Variants in MGAT5 observed in about 807,000 individuals in gnomAD.
MGAT5 encodes the protein alpha-1,6-mannosylglycoprotein 6-beta-N-acetylglucosaminyltransferase A.
Under a neutral mutation model 94.3 loss-of-function variants are expected in MGAT5, and 30 were observed. That is an observed-to-expected ratio of 0.32 (90% CI 0.24 to 0.43). MGAT5 has a LOEUF of 0.43. Ranked by LOEUF, MGAT5 falls within the 20% of genes least tolerant of loss-of-function variation. MGAT5 has a pLI of 1.00. For missense variants in MGAT5, 691 were observed against 905.5 expected (o/e 0.76, Z 3.04); for synonymous variants, 310 against 322.9 (o/e 0.96, Z 0.43).
chr2:134,270,317 A>G lies in MGAT5; in HGVS notation c.242-69A>G, dbSNP rs570688851. ...TGAGAAGTTTTGTTCTCCACGATAA[A>G]GAGAGAGCAAGCCAGACAGATATGT... On this transcript the variant is annotated intron_variant, in intron 1 of 15. Transcript: ENST00000281923. 4 of 1,452,222 alleles carry G rather than the reference A, an allele frequency of 2.8e-6. No individual in the cohort carries two copies. In the East Asian group the frequency reaches 9.2e-5, roughly 33 times the overall value. The allele number at this position is 1,452,222 out of a possible 1,614,324, so 90.0% of individuals were successfully genotyped here. A position where few individuals can be genotyped will look rare whatever the true frequency, so the allele number is the denominator to read the frequency against.
chr2:134,197,720 G>GTA (rs1679566947), intron 1 of MGAT5, among the ~76,000 whole-genome samples: 1 of 152,192 alleles, frequency 6.6e-6, no homozygotes. Context: ...AGACAGTTTA[G>GTA]TTTCCTTTTA....
intron 12 of MGAT5, among the ~76,000 whole-genome samples, chr2:134,422,552 GC>G (rs937082672): frequency 1.3e-5 from 2 of 152,134 alleles, no homozygotes; most frequent in Non-Finnish European, 2.9e-5. Flanking sequence ...GATGTTGGGG[GC>G]TAAAGCCTCC....
At chr2:134,191,225 C>T (rs1689359578) in intron 1 of MGAT5, among the ~76,000 whole-genome samples, 1 of 152,234 alleles carries the variant, frequency 6.6e-6, no homozygotes, top group Non-Finnish European at 1.5e-5. Context: ...GACAATAAAA[C>T]GTACACGACA....
At chr2:134,257,373 C>A (rs1288626625) in intron 1 of MGAT5, among the ~76,000 whole-genome samples, 1 of 152,270 alleles carries the variant, frequency 6.6e-6, no homozygotes, top group Middle Eastern at 3.4e-3. Context: ...AGGCGCACAC[C>A]ACCACGCCTG....
rs1041877727 is a variant in MGAT5, at chr2:134,454,112, C to G, written c.*5265C>G. 1 of 152,234 alleles carries G rather than the reference C, an allele frequency of 6.6e-6. No individual in the cohort carries two copies. Among genetic ancestry groups the G allele is most frequent in the Non-Finnish European group, 1.5e-5 (1 of 68,078 alleles). 9.4% of individuals were successfully genotyped at this position (152,234 alleles called of 1,614,324 possible). On this transcript the variant is annotated 3_prime_UTR_variant, in exon 16 of 16. Coordinates refer to ENST00000281923, the MANE Select transcript of MGAT5 (RefSeq NM_002410.5). ...CCTTAAGACACTCCCTCAATGCCACCCTGACCCCACGGCTGGAGAACCCTG... is the reference window on the plus strand; with the variant it reads ...CCTTAAGACACTCCCTCAATGCCACGCTGACCCCACGGCTGGAGAACCCTG...
chr2:134,413,409 A>G (rs1683781230), intron 12 of MGAT5, among the ~76,000 whole-genome samples: 1 of 152,220 alleles, frequency 6.6e-6, no homozygotes, highest in Non-Finnish European at 1.5e-5. Context: ...GGAGTTTTCA[A>G]AGAGCCATCA....
At chr2:134,131,221 G>T (rs771198579) in intron 1 of MGAT5, among the ~76,000 whole-genome samples, 1 of 152,142 alleles carries the variant, frequency 6.6e-6, no homozygotes, top group Non-Finnish European at 1.5e-5. Context: ...AACAAACTCC[G>T]GTCACGCTGC....
intron 10 of MGAT5, among the ~76,000 whole-genome samples, chr2:134,395,411 G>T (rs1286938908): frequency 6.6e-6 from 1 of 152,206 alleles, no homozygotes; most frequent in Non-Finnish European, 1.5e-5. Flanking sequence ...GACCAGTTCG[G>T]ACTGAGAGAT....
chr2:134,334,271 A>T (rs927057823), intron 4 of MGAT5, among the ~76,000 whole-genome samples: 1 of 152,124 alleles, frequency 6.6e-6, no homozygotes, highest in Admixed American at 6.5e-5. Context: ...TATTTTCATC[A>T]CAGTGAATCT....
At chr2:134,412,012 C>CA (rs1683694224) in intron 11 of MGAT5, among the ~76,000 whole-genome samples, 1 of 152,206 alleles carries the variant, frequency 6.6e-6, no homozygotes, top group African/African-American at 2.4e-5. Context: ...AGTGCTCCAG[C>CA]AGTGTGAAGT....
At chr2:134,249,288 G>A (rs181270031), upstream of MGAT5, among the ~76,000 whole-genome samples, 361 of 146,280 alleles carry the variant, frequency 2.5e-3, 3 homozygotes, top group African/African-American at 8.8e-3. Flanking sequence ...CTATTTAAAC[G>A]TATACAACTC....
Position 134,196,115 on chromosome 2 carries a change from C to T in MGAT5, c.-142-58147C>T, listed in dbSNP as rs572539129. On this transcript the variant is annotated intron_variant, in intron 1 of 16. Transcript: ENST00000409645. Reference sequence around the variant, plus strand: ...GTAGCACTCTGGACATGGTGCTCTTCGGAAGTTGAATTTGCTCATTGCCTC... The same window carrying T: ...GTAGCACTCTGGACATGGTGCTCTTTGGAAGTTGAATTTGCTCATTGCCTC... 6.6e-4 allele frequency among the ~76,000 whole-genome samples: 101 copies of T among 152,302 alleles called. 1 individual carries two copies. Among genetic ancestry groups the T allele is most frequent in the Middle Eastern group, 3.4e-3 (1 of 294 alleles).
At position 134,322,385 on chromosome 2, in the gene MGAT5, T is replaced by TTGTA. The variant is rs369466727; in HGVS notation, c.573+3652_573+3655dup. The stretch of plus-strand genomic sequence containing the variant: ...ATGCCTATTTTTAAATTGACAACGT[T>TTGTA]TGTATGTATTCATGGTATACAACTT... On this transcript the variant is annotated intron_variant, in intron 4 of 15. Transcript: ENST00000281923. 2.0e-3 allele frequency among the ~76,000 whole-genome samples: 303 copies of TTGTA among 152,320 alleles called. 2 individuals are homozygous for TTGTA. The highest frequency in any genetic ancestry group is 7.0e-3 in the African/African-American group (292 of 41,574).
chr2:134,333,255 TA>T (rs1360764795), intron 4 of MGAT5, among the ~76,000 whole-genome samples: 3 of 151,834 alleles, frequency 2.0e-5, no homozygotes, highest in Admixed American at 2.0e-4. Flanking sequence ...TATGCAGCCA[TA>T]AAAAATGATG....
chr2:134,420,551 GA>G (rs1235272110), intron 12 of MGAT5, among the ~76,000 whole-genome samples: 3 of 152,128 alleles, frequency 2.0e-5, no homozygotes, highest in African/African-American at 7.2e-5. Flanking sequence ...GGTGTGGCAG[GA>G]TACAAAGAAC....
chr2:134,154,221 A>T (rs1303930258), intron 1 of MGAT5, among the ~76,000 whole-genome samples: 3 of 152,210 alleles, frequency 2.0e-5, no homozygotes, highest in African/African-American at 7.2e-5. Context: ...GGCACGCAGG[A>T]AAGAGCTTCA....
chr2:134,237,509 T>A (rs1407109917), intron 1 of MGAT5, among the ~76,000 whole-genome samples: 1 of 152,084 alleles, frequency 6.6e-6, no homozygotes, highest in African/African-American at 2.4e-5. Context: ...AGGTGGGAAT[T>A]CATAATACCT....
intron 2 of MGAT5, among the ~76,000 whole-genome samples, chr2:134,288,515 TAA>T (rs879623551): frequency 2.8e-5 from 4 of 143,386 alleles, no homozygotes; most frequent in Admixed American, 7.0e-5. Flanking sequence ...TCTAGCTCTT[TAA>T]AAAAAAAAAA....
intron 1 of MGAT5, among the ~76,000 whole-genome samples, chr2:134,261,642 A>G (rs1683344482): frequency 6.6e-6 from 1 of 152,164 alleles, no homozygotes; most frequent in Admixed American, 6.5e-5. Flanking sequence ...CTCATTCTTT[A>G]TAACACTCAA....
Sources: gnomAD v4.1 joint callset for allele counts (sites outside exome capture counted in the v4.1 genomes callset) on GRCh38, gnomAD v4.1.1 for gene constraint, MANE v1.5 for transcripts, NCBI Gene and HGNC (gene_info 2026-07-23, HGNC 2026-07-21) for gene names.